The following EMCN variants were observed in gnomAD, a reference collection of about 807,000 sequenced individuals.
The protein encoded by EMCN is endomucin.
Under a neutral mutation model 38.4 loss-of-function variants are expected in EMCN, and 37 were observed. The observed-to-expected ratio is 0.96, with a 90% CI of 0.74 to 1.27. The LOEUF (loss-of-function observed/expected upper bound fraction) is 1.27. EMCN is among the 50% of genes most tolerant of loss of function. The probability of loss-of-function intolerance (pLI) is 0.00; values close to 1 mark genes in which losing one functional copy is unlikely to be tolerated. For synonymous variants in EMCN, 95 were observed against 100.8 expected (o/e 0.94, Z 0.35); for missense variants, 318 against 302.8 (o/e 1.05, Z -0.37).
At chr4:100,493,336 A>G (rs1157453462) in intron 1 of EMCN, among the ~76,000 whole-genome samples, 1 of 152,180 alleles carries the variant, frequency 6.6e-6, no homozygotes, top group Admixed American at 6.5e-5. Context: ...CTTCTAAGAA[A>G]CTGTGATTAT....
chr4:100,403,744 T>G (rs894066043), intron 11 of EMCN, among the ~76,000 whole-genome samples: 1 of 152,094 alleles, frequency 6.6e-6, no homozygotes, highest in Non-Finnish European at 1.5e-5. Flanking sequence ...TGTGACTTCT[T>G]GACTTTTTAA....
intron 5 of EMCN, among the ~76,000 whole-genome samples, chr4:100,441,353 T>C (rs943134348): frequency 1.3e-5 from 2 of 152,180 alleles, no homozygotes; most frequent in African/African-American, 4.8e-5. Context: ...ATTATTTGCA[T>C]GGAATATCTT....
intron 11 of EMCN, among the ~76,000 whole-genome samples, chr4:100,404,953 G>T (rs1243211480): frequency 6.6e-6 from 1 of 151,876 alleles, no homozygotes; most frequent in African/African-American, 2.4e-5. Flanking sequence ...TATATTCCTA[G>T]GTATTTTATT....
intron 1 of EMCN, among the ~76,000 whole-genome samples, chr4:100,506,868 A>G (rs1729492780): frequency 6.6e-6 from 1 of 152,164 alleles, no homozygotes. Context: ...GTTTTTTGAT[A>G]CTAGAAGTGT....
At chr4:100,454,515 A>T (rs1432775059) in intron 4 of EMCN, among the ~76,000 whole-genome samples, 8 of 152,162 alleles carry the variant, frequency 5.3e-5, no homozygotes, top group Non-Finnish European at 1.2e-4. Flanking sequence ...CCCTACTCCC[A>T]AAAGATAGGC....
chr4:100,471,876 A>G (rs1429541119), intron 3 of EMCN, among the ~76,000 whole-genome samples: 5 of 152,004 alleles, frequency 3.3e-5, no homozygotes, highest in African/African-American at 1.2e-4. Flanking sequence ...TAAAAATCCA[A>G]TACCCTTGCA....
intron 5 of EMCN, 35 bp from the exon 6 acceptor site, chr4:100,423,439 G>T: frequency 6.9e-7 from 1 of 1,439,762 alleles, no homozygotes; most frequent in East Asian, 2.3e-5. Flanking sequence ...ATCAGGCTAT[G>T]GTATTAAGCC....
Position 100,473,377 on chromosome 4 carries a change from TTTTTTTTTG to T in EMCN, c.259+1652_259+1660del, listed in dbSNP as rs1436818118. ...TTTCCCGTTTCGTGTTTTTTTGTTT[TTTTTTTTTG>T]TTTTTTTTTTTGCTAATGACATCAC... On this transcript the variant is annotated intron_variant, in intron 3 of 11. Coordinates refer to ENST00000296420, the MANE Select transcript of EMCN (RefSeq NM_016242.4). 7.0e-4 allele frequency among the ~76,000 whole-genome samples: 86 copies of T among 122,490 alleles called. 2 individuals carry two copies. Among genetic ancestry groups the T allele is most frequent in the African/African-American group, 1.9e-3 (52 of 27,624 alleles). 80.4% of individuals were successfully genotyped at this position (122,490 alleles called of 152,430 possible).
intron 1 of EMCN, among the ~76,000 whole-genome samples, chr4:100,504,702 C>T (rs1489820033): frequency 1.3e-5 from 2 of 152,206 alleles, no homozygotes; most frequent in Non-Finnish European, 2.9e-5. Context: ...TGGGAAGACG[C>T]CTTTTGCCAA....
At chr4:100,500,305 T>G (rs1260060599) in intron 1 of EMCN, among the ~76,000 whole-genome samples, 2 of 152,194 alleles carry the variant, frequency 1.3e-5, no homozygotes, top group Non-Finnish European at 2.9e-5. Flanking sequence ...TTAAAATTCT[T>G]AAACTCAAAA....
chr4:100,397,114 A>T lies in EMCN; in HGVS notation c.*1299T>A, dbSNP rs889022579. On this transcript the variant is annotated 3_prime_UTR_variant, in exon 12 of 12. Transcript: ENST00000296420. ...AAGTTGTCAAAATACATCACCACAA[A>T]ACAAATTTTAAAAGGCTATTTTAAA... The T allele has an allele frequency of 2.0e-5, 3 of 152,074 alleles. No homozygotes were observed. Among genetic ancestry groups the T allele is most frequent in the Non-Finnish European group, 4.4e-5 (3 of 68,010 alleles). 9.4% of individuals were successfully genotyped at this position (152,074 alleles called of 1,614,324 possible). A position where few individuals can be genotyped will look rare whatever the true frequency, so the allele number is the denominator to read the frequency against.
chr4:100,450,347 G>A (rs982910719), intron 4 of EMCN, among the ~76,000 whole-genome samples: 2 of 151,962 alleles, frequency 1.3e-5, no homozygotes, highest in Non-Finnish European at 2.9e-5. Flanking sequence ...TTAATCCAAC[G>A]TTAAACTTTG....
intron 2 of EMCN, among the ~76,000 whole-genome samples, chr4:100,476,309 G>C (rs931906900): frequency 6.7e-6 from 1 of 148,480 alleles, no homozygotes; most frequent in Non-Finnish European, 1.5e-5. Context: ...TGCTTGACAA[G>C]GTCTTGCTCT....
At chr4:100,461,672 T>A (rs184209292) in intron 4 of EMCN, among the ~76,000 whole-genome samples, 6 of 152,232 alleles carry the variant, frequency 3.9e-5, no homozygotes, top group Non-Finnish European at 4.4e-5. Context: ...TAGAGAGAAA[T>A]GTTTTGAGTA....
At position 100,482,680 on chromosome 4, in the gene EMCN, C is replaced by T. The variant is rs138378887; in HGVS notation, c.65-2641G>A. Among the ~76,000 whole-genome samples, 208 of 152,080 alleles carry T rather than the reference C, an allele frequency of 1.4e-3. 1 individual carries two copies. The highest frequency in any genetic ancestry group is 4.6e-3 in the African/African-American group (193 of 41,514). Reference sequence around the variant, plus strand: ...CTGTAGAGGACCATGAACACCCAGACCAAGATTTAAGATTTTATCAAGTCA... The same window carrying T: ...CTGTAGAGGACCATGAACACCCAGATCAAGATTTAAGATTTTATCAAGTCA... On this transcript the variant is annotated intron_variant, in intron 1 of 11. Coordinates refer to ENST00000296420, the MANE Select transcript of EMCN (RefSeq NM_016242.4).
intron 5 of EMCN, among the ~76,000 whole-genome samples, chr4:100,437,482 G>A (rs1284339132): frequency 6.6e-6 from 1 of 150,928 alleles, no homozygotes; most frequent in East Asian, 1.9e-4. Context: ...CATTTCTGAG[G>A]CCAATGCCCA....
intron 5 of EMCN, among the ~76,000 whole-genome samples, chr4:100,443,184 T>G (rs895442412): frequency 6.6e-6 from 1 of 152,240 alleles, no homozygotes; most frequent in Non-Finnish European, 1.5e-5. Context: ...TCAGAGAGTT[T>G]GTAATTTCTG....
At chr4:100,430,368 T>A (rs999289231) in intron 5 of EMCN, among the ~76,000 whole-genome samples, 7 of 152,166 alleles carry the variant, frequency 4.6e-5, no homozygotes, top group African/African-American at 1.4e-4. Context: ...TATAAGGACA[T>A]GACTCTTATT....
At chr4:100,465,779 G>A (rs1728298985) in intron 3 of EMCN, among the ~76,000 whole-genome samples, 1 of 152,070 alleles carries the variant, frequency 6.6e-6, no homozygotes, top group Admixed American at 6.6e-5. Context: ...GATTGTCATG[G>A]TAATCTTACG....
Sources: gnomAD v4.1 joint callset for allele counts (sites outside exome capture counted in the v4.1 genomes callset) on GRCh38, gnomAD v4.1.1 for gene constraint, MANE v1.5 for transcripts, NCBI Gene and HGNC (gene_info 2026-07-23, HGNC 2026-07-21) for gene names.